The following RNF130 variants were observed in gnomAD, a reference collection of about 807,000 sequenced individuals.
RNF130 encodes the protein ring finger protein 130, also known as E3 ubiquitin-protein ligase RNF130.
In RNF130, 21 loss-of-function variants were observed where a neutral mutation model predicts 44.6. The observed-to-expected ratio is 0.47, with a 90% CI of 0.33 to 0.68. The LOEUF (loss-of-function observed/expected upper bound fraction) is 0.68, where lower values mean the gene tolerates loss of function less well. RNF130 is among the 30% of genes least tolerant of loss of function. RNF130 has a pLI of 0.02. For synonymous variants in RNF130, 214 were observed against 210.4 expected, an observed-to-expected ratio of 1.02 and a Z score of -0.15; for missense variants, 479 against 560.6, an observed-to-expected ratio of 0.85 and a Z score of 1.47.
chr5:179,948,593 C>T (rs1181487070), intron 7 of RNF130, among the ~76,000 whole-genome samples: 3 of 152,062 alleles, frequency 2.0e-5, no homozygotes, highest in Non-Finnish European at 4.4e-5. Context: ...ATTGCTTGAA[C>T]CCAGGAGGTG....
At chr5:179,981,260 C>T (rs775142908) in intron 3 of RNF130, among the ~76,000 whole-genome samples, 15 of 152,166 alleles carry the variant, frequency 9.9e-5, no homozygotes, top group African/African-American at 2.2e-4. Context: ...AACACTCACA[C>T]TGGGACAAGG....
intron 7 of RNF130, among the ~76,000 whole-genome samples, chr5:179,938,113 C>T (rs1238417735): frequency 2.6e-5 from 4 of 152,052 alleles, no homozygotes; most frequent in South Asian, 2.1e-4. Context: ...CGCGGCACCA[C>T]GTCTGGCTAA....
chr5:180,038,505 C>CT (rs1301645863), intron 2 of RNF130, among the ~76,000 whole-genome samples: 2 of 151,006 alleles, frequency 1.3e-5, no homozygotes, highest in Non-Finnish European at 2.9e-5. Flanking sequence ...AAAACAGGTT[C>CT]TTTAAGACTT....
At chr5:179,920,227 G>A (rs1761607845) in exon 8 of RNF130, 1 of 632,742 alleles carries the variant, frequency 1.6e-6, no homozygotes. Context: ...CTTCCAAAAC[G>A]GATGCTGACA....
At chr5:179,992,684 T>A (rs1359165593) in intron 3 of RNF130, among the ~76,000 whole-genome samples, 1 of 152,214 alleles carries the variant, frequency 6.6e-6, no homozygotes, top group African/African-American at 2.4e-5. Flanking sequence ...TCCTTATTTT[T>A]AAATTTTAGT....
chr5:179,931,690 G>A (rs1418724453), intron 7 of RNF130, among the ~76,000 whole-genome samples: 2 of 151,094 alleles, frequency 1.3e-5, no homozygotes, highest in Non-Finnish European at 3.0e-5. Context: ...CAGGAGAATT[G>A]CTTGAACCTG....
At position 179,987,625 on chromosome 5, in the gene RNF130, C is replaced by T. The variant is rs1762985169; in HGVS notation, c.694-7425G>A. 3.3e-5 allele frequency among the ~76,000 whole-genome samples: 5 copies of T among 152,300 alleles called. 1 individual carries two copies. Among genetic ancestry groups the T allele is most frequent in the Middle Eastern group, 3.4e-3 (1 of 294 alleles). ...AATCAATATGATGTTAGCTGTGGGT[C>T]ATGTGTATCTTTCACTATATTGAAG... On this transcript the variant is annotated intron_variant, in intron 3 of 8. Transcript: ENST00000521389.
intron 3 of RNF130, among the ~76,000 whole-genome samples, chr5:180,003,039 T>G (rs1339682944): frequency 6.6e-6 from 1 of 152,120 alleles, no homozygotes; most frequent in East Asian, 1.9e-4. Flanking sequence ...CTGATGCTAT[T>G]TGAGGCTTGG....
At position 179,946,011 on chromosome 5, in the gene RNF130, A is replaced by G. The variant is rs150838580; in HGVS notation, c.1150+20795T>C. ...TGTGAGTGACAGAAGCATATGACTG[A>G]CGTTCCTTCAGCAAGTCTCAGTTCC... On this transcript the variant is annotated intron_variant, in intron 7 of 7. Coordinates refer to the RNF130 transcript ENST00000522208. Among the ~76,000 whole-genome samples, 1,425 of 152,270 alleles carry G rather than the reference A, an allele frequency of 9.4e-3. 30 individuals are homozygous for G. Among genetic ancestry groups the G allele is most frequent in the African/African-American group, 0.032 (1,332 of 41,524 alleles).
intron 3 of RNF130, among the ~76,000 whole-genome samples, chr5:180,002,219 T>C (rs1763361121): frequency 6.6e-6 from 1 of 152,234 alleles, no homozygotes; most frequent in South Asian, 2.1e-4. Context: ...TTCAAGGTAC[T>C]GTTTTCCCAA....
chr5:179,986,029 CATTAAATTCTCCAGTGCTATAT>C (rs759222220), intron 3 of RNF130, among the ~76,000 whole-genome samples: 211 of 152,312 alleles, frequency 1.4e-3, no homozygotes, highest in Non-Finnish European at 1.9e-3. Flanking sequence ...CGTTTGCTGC[CATTAAATTCTCCAGTGCTATAT>C]CCTTTGCTTT....
chr5:180,025,052 C>A (rs1763955969), intron 2 of RNF130, among the ~76,000 whole-genome samples: 1 of 152,182 alleles, frequency 6.6e-6, no homozygotes, highest in Non-Finnish European at 1.5e-5. Flanking sequence ...CCAAAATACC[C>A]CTGCCTTGTC....
At chr5:180,014,874 TACTC>T (rs1455055353) in intron 2 of RNF130, among the ~76,000 whole-genome samples, 1 of 152,070 alleles carries the variant, frequency 6.6e-6, no homozygotes, top group Non-Finnish European at 1.5e-5. Flanking sequence ...TGGTCCCAGA[TACTC>T]AGGAGGCTGA....
intron 3 of RNF130, among the ~76,000 whole-genome samples, chr5:180,005,725 T>TC (rs1226320087): frequency 1.3e-5 from 2 of 152,184 alleles, no homozygotes; most frequent in Non-Finnish European, 2.9e-5. Context: ...TGAAGTGTCC[T>TC]TGACTCCCTG....
At chr5:180,017,395 T>C (rs6888883) in intron 2 of RNF130, among the ~76,000 whole-genome samples, 102,049 of 151,960 alleles carry the variant, frequency 0.67, 34,590 homozygotes, top group African/African-American at 0.75. Flanking sequence ...AATGTTTTCC[T>C]CTTAATTAAT....
chr5:180,024,772 GT>G (rs1295793344), intron 2 of RNF130, among the ~76,000 whole-genome samples: 1 of 152,210 alleles, frequency 6.6e-6, no homozygotes. Context: ...AAAGCCTACC[GT>G]TTTTTCATGA....
intron 3 of RNF130, 65 bp downstream of exon 3, chr5:180,012,996 G>A (rs904266406): frequency 1.3e-6 from 2 of 1,527,496 alleles, no homozygotes; most frequent in Non-Finnish European, 1.8e-6. Context: ...TAAGATGCAT[G>A]GTCACGACAG....
chr5:180,003,332 T>C (rs1763390232), intron 3 of RNF130, among the ~76,000 whole-genome samples: 1 of 152,208 alleles, frequency 6.6e-6, no homozygotes, highest in Non-Finnish European at 1.5e-5. Flanking sequence ...GAGCAGGTGC[T>C]GGTGGAAGCA....
At chr5:180,036,025 T>C (rs928630207) in intron 2 of RNF130, among the ~76,000 whole-genome samples, 2 of 152,250 alleles carry the variant, frequency 1.3e-5, no homozygotes, top group Admixed American at 6.5e-5. Context: ...GGAACACTTA[T>C]AGACAGTTTC....
Sources: allele counts gnomAD v4.1 joint callset (sites outside exome capture counted in the v4.1 genomes callset), GRCh38; gene constraint gnomAD v4.1.1; transcripts MANE v1.5; gene names NCBI Gene and HGNC (gene_info 2026-07-23, HGNC 2026-07-21).